The following ADAP1 variants were observed in gnomAD, a reference collection of about 807,000 sequenced individuals.
The protein encoded by ADAP1 is arf-GAP with dual PH domain-containing protein 1.
Under a neutral mutation model 54.9 loss-of-function variants are expected in ADAP1, and 31 were observed. The observed-to-expected ratio is 0.56, with a 90% CI of 0.42 to 0.76. ADAP1 has a LOEUF of 0.76. ADAP1 is among the 30% of genes least tolerant of loss of function. The pLI is 0.00. For synonymous variants in ADAP1, 313 were observed against 202.6 expected (o/e 1.55, Z -4.63); for missense variants, 535 against 512.4 (o/e 1.04, Z -0.42).
At chr7:904,307 G>T (rs754779642) in intron 5 of ADAP1, 35 bp from the exon 6 acceptor site, 29 of 1,533,182 alleles carry the variant, frequency 1.9e-5, no homozygotes, top group East Asian at 4.7e-5. Flanking sequence ...CCTCACAGGG[G>T]CCGTCGTCCA....
At position 945,213 on chromosome 7, in the gene ADAP1, G is replaced by C. The variant is rs1351537921; in HGVS notation, c.82+9183C>G. Among the ~76,000 whole-genome samples the C allele has an allele frequency of 1.3e-5, 2 of 152,208 alleles. No individual in the cohort carries two copies. Among genetic ancestry groups the C allele is most frequent in the Admixed American group, 6.5e-5 (1 of 15,290 alleles). On this transcript the variant is annotated intron_variant, in intron 1 of 10. Transcript: ENST00000265846. This position sits in a 1 kb window ranked among gnomAD's most constrained non-coding sequence, Gnocchi z 4.2. ...GGGCAGGCCTCCTTCTCAGGCTGCT[G>C]GGCATGGCCAGGCCTGCCTGCATCC...
chr7:905,879 AAGGAGAAAGG>A (rs1845245559), intron 4 of ADAP1, among the ~76,000 whole-genome samples: 1 of 21,748 alleles, frequency 4.6e-5, no homozygotes, highest in African/African-American at 1.4e-4. Context: ...AGAAGGGAGA[AAGGAGAAAGG>A]AGAAAGGAGA....
chr7:916,772 G>C (rs1001554065), intron 4 of ADAP1, among the ~76,000 whole-genome samples: 1 of 152,108 alleles, frequency 6.6e-6, no homozygotes, highest in African/African-American at 2.4e-5. Flanking sequence ...GGCAGGAGCT[G>C]CCCTGGAGGA....
In ADAP1 at chr7:913,132, C is replaced by T. The variant is rs141405161; in HGVS notation, c.388+6836G>A. ...GTGCTGCAATGACAGGCATGAGCCC[C>T]GGTGCCCGGCCTTCTTTTGTATTAA... On this transcript the variant is annotated intron_variant, in intron 4 of 10. Coordinates refer to ENST00000265846, the MANE Select transcript of ADAP1 (RefSeq NM_006869.4). Among the ~76,000 whole-genome samples the T allele has an allele frequency of 6.6e-5, 10 of 152,174 alleles. No individual in the cohort carries two copies. In the East Asian group the frequency reaches 1.2e-3, roughly 18 times the overall value.
chr7:907,419 G>A lies in ADAP1; in HGVS notation c.389-2247C>T, dbSNP rs569039261. Among the ~76,000 whole-genome samples, 3 of 152,244 alleles carry A rather than the reference G, an allele frequency of 2.0e-5. No homozygotes were observed. The East Asian group carries it at 5.8e-4, about 29-fold the overall frequency. ...GGAGAGGCCAGAGGACCCGTCCTGA[G>A]CCCAGAACCAGCTCTGCCCACTCCG... On this transcript the variant is annotated intron_variant, in intron 4 of 10. Coordinates refer to ENST00000265846, the MANE Select transcript of ADAP1 (RefSeq NM_006869.4).
intron 4 of ADAP1, among the ~76,000 whole-genome samples, chr7:907,348 C>G (rs544252113): frequency 6.6e-6 from 1 of 152,056 alleles, no homozygotes; most frequent in African/African-American, 2.4e-5. Context: ...GGGACGTGGC[C>G]GTGGAAACTG....
At chr7:930,979 CAAAA>C (rs545321889) in intron 2 of ADAP1, among the ~76,000 whole-genome samples, 2 of 83,346 alleles carry the variant, frequency 2.4e-5, no homozygotes, top group African/African-American at 3.9e-5. Flanking sequence ...GACTGTGTCT[CAAAA>C]AAAAAAAAAA....
intron 1 of ADAP1, among the ~76,000 whole-genome samples, 166 bp from the exon 2 acceptor site, chr7:935,671 TC>T (rs3215362): frequency 0.43 from 63,463 of 146,318 alleles, 13,663 homozygotes; most frequent in South Asian, 0.64. Flanking sequence ...TAACCCCAGC[TC>T]CCCCCCCGCC....
chr7:905,365 G>GA (rs71020536), intron 4 of ADAP1, 193 bp from the exon 5 acceptor site: 4,150 of 131,414 alleles, frequency 0.032, 887 homozygotes, highest in Non-Finnish European at 0.037. Context: ...GCAGGGAAAG[G>GA]GAAAGGGAAA....
intron 6 of ADAP1, chr7:901,061 CT>C (rs1394230436): frequency 1.1e-5 from 5 of 471,180 alleles, no homozygotes; most frequent in Non-Finnish European, 1.8e-5. Flanking sequence ...GGAGGCTCAT[CT>C]GTTTATAAAC....
At chr7:901,036 G>GGGT (rs751571140) in intron 6 of ADAP1, 27 of 473,458 alleles carry the variant, frequency 5.7e-5, no homozygotes, top group South Asian at 4.0e-4. Context: ...GCAAGTCTTG[G>GGGT]GGTGGTGGGA....
intron 1 of ADAP1, among the ~76,000 whole-genome samples, chr7:954,058 T>C (rs1350274930): frequency 6.6e-6 from 1 of 152,008 alleles, no homozygotes; most frequent in African/African-American, 2.4e-5. Flanking sequence ...GATTTCCTCT[T>C]TCTGTGCGGA....
At chr7:951,546 T>C (rs1847271847) in intron 1 of ADAP1, among the ~76,000 whole-genome samples, 1 of 150,938 alleles carries the variant, frequency 6.6e-6, no homozygotes, top group African/African-American at 2.4e-5. Context: ...CACTGCACTG[T>C]AGCCTGGGTG....
chr7:906,922 G>A (rs1260781628), intron 4 of ADAP1, among the ~76,000 whole-genome samples: 4 of 146,894 alleles, frequency 2.7e-5, no homozygotes, highest in African/African-American at 1.0e-4. Context: ...TGGATGAGCG[G>A]GACTCCAGCT....
chr7:910,204 CAG>C (rs891628315), intron 4 of ADAP1, among the ~76,000 whole-genome samples: 1 of 152,026 alleles, frequency 6.6e-6, no homozygotes, highest in African/African-American at 2.4e-5. Flanking sequence ...TCACGTGCCT[CAG>C]AGAGAAGTGA....
In ADAP1 at chr7:904,375, T is replaced by C. The variant is rs966539038; in HGVS notation, c.502-103A>G. On this transcript the variant is annotated intron_variant, in intron 5 of 10. Coordinates refer to ENST00000265846, the MANE Select transcript of ADAP1 (RefSeq NM_006869.4). The stretch of plus-strand genomic sequence containing the variant: ...GGTGCTGGCGGCGCACCTGCTGTGC[T>C]GTGTGGCTTTGGGCAAGTTACTTAA... The C allele has an allele frequency of 3.2e-5, 46 of 1,436,334 alleles. No individual in the cohort carries two copies. In the Admixed American group the frequency reaches 6.3e-4, roughly 20 times the overall value. 89.0% of individuals were successfully genotyped at this position (1,436,334 alleles called of 1,614,324 possible). A position where few individuals can be genotyped will look rare whatever the true frequency, so the allele number is the denominator to read the frequency against.
At chr7:943,329 A>G (rs1450428381) in intron 1 of ADAP1, among the ~76,000 whole-genome samples, 2 of 9,394 alleles carry the variant, frequency 2.1e-4, no homozygotes, top group Non-Finnish European at 3.5e-4. Flanking sequence ...AGGAAGGGAG[A>G]GAGGAGGAGG....
chr7:903,185 G>T (rs570051775), intron 6 of ADAP1, among the ~76,000 whole-genome samples: 1 of 152,192 alleles, frequency 6.6e-6, no homozygotes, highest in Non-Finnish European at 1.5e-5. Context: ...GAACACAGCC[G>T]CTTACTGTGG....
chr7:902,726 C>G (rs1273071662), intron 6 of ADAP1, among the ~76,000 whole-genome samples: 1 of 152,026 alleles, frequency 6.6e-6, no homozygotes, highest in Non-Finnish European at 1.5e-5. Context: ...AAACCAGTAA[C>G]TGGACTGGAA....
Sources: allele counts gnomAD v4.1 joint callset (sites outside exome capture counted in the v4.1 genomes callset), GRCh38; gene constraint gnomAD v4.1.1; non-coding constraint Gnocchi (gnomAD v3.1); transcripts MANE v1.5; gene names NCBI Gene and HGNC (gene_info 2026-07-23, HGNC 2026-07-21).